Variants in ZBED6 observed in about 807,000 individuals in gnomAD.
The protein encoded by ZBED6 is zinc finger BED domain-containing protein 6.
In ZBED6, 40 loss-of-function variants were observed where a neutral mutation model predicts 58.4. That is an observed-to-expected ratio of 0.68 (90% confidence interval 0.53 to 0.89). ZBED6 has a LOEUF of 0.89. Ranked by LOEUF, ZBED6 falls within the 40% of genes least tolerant of loss-of-function variation. The probability of loss-of-function intolerance (pLI) is 0.00; values close to 1 mark genes in which losing one functional copy is unlikely to be tolerated. For synonymous variants in ZBED6, 439 were observed against 350.6 expected, an observed-to-expected ratio of 1.25 and a Z score of -2.82; for missense variants, 1,057 against 1,003.9, an observed-to-expected ratio of 1.05 and a Z score of -0.71.
chr1:203,799,236 G>A, exon 1 of ZBED6: 1 of 855,572 alleles, frequency 1.2e-6, no homozygotes, highest in South Asian at 1.4e-5. Context: ...TGTGGTACAT[G>A]CAATCAAAGA....
chr1:203,799,767 C>A, exon 1 of ZBED6: 1 of 955,926 alleles, frequency 1.0e-6, no homozygotes, highest in Non-Finnish European at 1.6e-6. Flanking sequence ...ATCTCTGAAA[C>A]TTGAAACAGA....
exon 1 of ZBED6, chr1:203,798,961 T>C (rs1227331031): frequency 1.3e-6 from 2 of 1,536,150 alleles, no homozygotes; most frequent in South Asian, 2.4e-5. Context: ...AGCCAAAAGA[T>C]ACACCTGACT....
At chr1:203,837,330 T>G (rs1684670613) in intron 9 of ZBED6, among the ~76,000 whole-genome samples, 1 of 152,136 alleles carries the variant, frequency 6.6e-6, no homozygotes, top group Non-Finnish European at 1.5e-5. Flanking sequence ...TGAAGATTTT[T>G]CACATTTCTA....
chr1:203,814,919 T>A (rs1675758863), intron 1 of ZBED6: 1 of 151,870 alleles, frequency 6.6e-6, no homozygotes, highest in Non-Finnish European at 1.5e-5. Flanking sequence ...AACCTCCACC[T>A]CCCGGGTTCA....
At chr1:203,840,210 A>G (rs1332807808) in intron 10 of ZBED6, 96 bp from the exon 11 acceptor site, 12 of 1,233,330 alleles carry the variant, frequency 9.7e-6, no homozygotes, top group Non-Finnish European at 1.4e-5. Flanking sequence ...AAGTTCTGGG[A>G]TTACAGGTGT....
intron 11 of ZBED6, among the ~76,000 whole-genome samples, chr1:203,842,346 C>A (rs190705015): frequency 1.3e-5 from 2 of 152,300 alleles, no homozygotes; most frequent in African/African-American, 4.8e-5. Flanking sequence ...TCTGCAATCC[C>A]GGCACCTCGG....
At chr1:203,815,200 T>C (rs1201023748) in intron 1 of ZBED6, among the ~76,000 whole-genome samples, 1 of 104,176 alleles carries the variant, frequency 9.6e-6, no homozygotes, top group Admixed American at 1.2e-4. Context: ...TTTCATTATT[T>C]TCTTCCTTTT....
At chr1:203,819,499 T>TG (rs1558111663) in intron 3 of ZBED6, among the ~76,000 whole-genome samples, 1 of 147,564 alleles carries the variant, frequency 6.8e-6, no homozygotes, top group Non-Finnish European at 1.5e-5. Context: ...TGGGATTACA[T>TG]GCGTGAGCCA....
intron 8 of ZBED6, 113 bp downstream of exon 8, chr1:203,831,884 G>A (rs1682501161): frequency 5.1e-6 from 4 of 783,168 alleles, no homozygotes; most frequent in Non-Finnish European, 8.2e-6. Flanking sequence ...TTGTTAGTAT[G>A]CTGATGAGAT....
At chr1:203,827,076 C>G (rs1351578948) in intron 3 of ZBED6, among the ~76,000 whole-genome samples, 2 of 152,160 alleles carry the variant, frequency 1.3e-5, no homozygotes, top group East Asian at 3.8e-4. Context: ...ACTCTTGTGT[C>G]TGGCTTCTTT....
chr1:203,844,574 ATTG>A (rs933451432), intron 11 of ZBED6, among the ~76,000 whole-genome samples: 1 of 152,080 alleles, frequency 6.6e-6, no homozygotes, highest in African/African-American at 2.4e-5. Context: ...TATCTTAAAT[ATTG>A]TTGTTTTTCC....
At chr1:203,839,862 A>G (rs1272458857) in intron 10 of ZBED6, among the ~76,000 whole-genome samples, 2 of 152,060 alleles carry the variant, frequency 1.3e-5, no homozygotes, top group African/African-American at 4.8e-5. Context: ...GGAGTGCAGT[A>G]GCGCTATCTC....
At chr1:203,811,090 GA>G in intron 1 of ZBED6, among the ~76,000 whole-genome samples, 1 of 150,686 alleles carries the variant, frequency 6.6e-6, no homozygotes, top group Non-Finnish European at 1.5e-5. Flanking sequence ...GCAATGAGCC[GA>G]GATTGCGCCA....
exon 17 of ZBED6, chr1:203,852,185 C>G (rs778059892): frequency 1.2e-6 from 2 of 1,613,532 alleles, no homozygotes; most frequent in African/African-American, 1.3e-5. Flanking sequence ...TCCTCACCCC[C>G]GGAGGTGTCT....
intron 1 of ZBED6, among the ~76,000 whole-genome samples, chr1:203,814,569 G>A (rs977146854): frequency 2.6e-5 from 4 of 151,440 alleles, no homozygotes; most frequent in Non-Finnish European, 5.9e-5. Flanking sequence ...CCAATAACAC[G>A]ATCCTAATTT....
chr1:203,814,752 A>ACAGCAGCATTCACTTTCTG (rs1675691177), intron 1 of ZBED6, among the ~76,000 whole-genome samples: 1 of 152,170 alleles, frequency 6.6e-6, no homozygotes. Context: ...TTGGTTTTTT[A>ACAGCAGCATTCACTTTCTG]CAGCAGCATT....
At position 203,833,293 on chromosome 1, in the gene ZBED6, AGGT is replaced by A. The variant is rs1683014844; in HGVS notation, c.*3511-495_*3511-493del. Among the ~76,000 whole-genome samples the A allele has an allele frequency of 2.1e-5, 3 of 139,710 alleles. No homozygotes were observed. The Admixed American group carries it at 2.4e-4, about 11-fold the overall frequency. The allele number at this position is 139,710 out of a possible 152,430, so 91.7% of individuals were successfully genotyped here. On this transcript the variant is annotated intron_variant, in intron 8 of 16. Transcript: ENST00000550078. ...GGCAGGAGAATCGCTTGAACCCGGGAGGTGGAGGTTGCAGTGAGCCGAGATCGG... is the reference window on the plus strand; with the variant it reads ...GGCAGGAGAATCGCTTGAACCCGGGAGGAGGTTGCAGTGAGCCGAGATCGG...
chr1:203,807,332 T>C (rs569792141), intron 1 of ZBED6, among the ~76,000 whole-genome samples: 2 of 152,194 alleles, frequency 1.3e-5, no homozygotes, highest in Admixed American at 6.5e-5. Context: ...TTTGCCCAGG[T>C]TGGAATACAG....
rs1391012998 is a variant in ZBED6, at chr1:203,822,238, T to C, written c.*2873+3549T>C. Reference sequence around the variant, plus strand: ...ACTTTTATTTATTTGATCAGTCTACTAGTATAAAAACCAATATTGTGTCAC... The same window carrying C: ...ACTTTTATTTATTTGATCAGTCTACCAGTATAAAAACCAATATTGTGTCAC... On this transcript the variant is annotated intron_variant, in intron 3 of 16. Transcript: ENST00000550078. Among the ~76,000 whole-genome samples, 7 of 152,152 alleles carry C rather than the reference T, an allele frequency of 4.6e-5. No individual in the cohort carries two copies. The East Asian group carries it at 1.2e-3, about 25-fold the overall frequency.
Sources: gnomAD v4.1 joint callset for allele counts (sites outside exome capture counted in the v4.1 genomes callset) on GRCh38, gnomAD v4.1.1 for gene constraint, MANE v1.5 for transcripts, NCBI Gene and HGNC (gene_info 2026-07-23, HGNC 2026-07-21) for gene names.